The following MED27 variants were observed in gnomAD, a reference collection of about 807,000 sequenced individuals.
MED27 encodes the protein mediator of RNA polymerase II transcription subunit 27.
MED27 carries 30 observed loss-of-function variants against 38.2 expected under a neutral mutation model. The observed-to-expected ratio is 0.79, with a 90% confidence interval of 0.59 to 1.07. The LOEUF is 1.07. Ranked by LOEUF, MED27 falls within the 50% of genes least tolerant of loss-of-function variation. The pLI, the probability that MED27 is intolerant of heterozygous loss-of-function variation, is 0.00. For missense variants in MED27, 289 were observed against 397.5 expected (o/e 0.73, Z 2.32); for synonymous variants, 122 against 153.5 (o/e 0.79, Z 1.52).
chr9:131,943,635 G>A (rs1761738793), intron 3 of MED27, among the ~76,000 whole-genome samples: 1 of 152,200 alleles, frequency 6.6e-6, no homozygotes. Flanking sequence ...CACAGCAGTG[G>A]TGACTAGTTT....
At chr9:131,900,166 C>A (rs1829912384) in intron 4 of MED27, among the ~76,000 whole-genome samples, 1 of 152,182 alleles carries the variant, frequency 6.6e-6, no homozygotes, top group African/African-American at 2.4e-5. Context: ...GAAGCCCAGC[C>A]CGCCTCCCAT....
chr9:131,914,137 T>C (rs1301019848), intron 4 of MED27, among the ~76,000 whole-genome samples: 2 of 152,204 alleles, frequency 1.3e-5, no homozygotes, highest in Non-Finnish European at 2.9e-5. Flanking sequence ...ACTTTCTTTT[T>C]ATCTTTTGTG....
intron 2 of MED27, among the ~76,000 whole-genome samples, chr9:132,043,787 A>C (rs556621835): frequency 6.6e-6 from 1 of 152,222 alleles, no homozygotes; most frequent in African/African-American, 2.4e-5. Context: ...GTGGATATCA[A>C]TAAGAAAAAA....
chr9:131,931,543 T>G (rs1415131960), intron 4 of MED27, among the ~76,000 whole-genome samples: 1 of 151,788 alleles, frequency 6.6e-6, no homozygotes, highest in Admixed American at 6.6e-5. Flanking sequence ...ATAAGTAAAC[T>G]CTCCAATCAA....
At chr9:131,879,383 T>C (rs1199459460) in intron 6 of MED27, among the ~76,000 whole-genome samples, 1 of 152,304 alleles carries the variant, frequency 6.6e-6, no homozygotes, top group East Asian at 1.9e-4. Context: ...CAGCTGCTTC[T>C]TGTGGGCAAG....
At chr9:131,944,530 C>CAT (rs1830846562) in intron 3 of MED27, among the ~76,000 whole-genome samples, 1 of 141,096 alleles carries the variant, frequency 7.1e-6, no homozygotes, top group Non-Finnish European at 1.5e-5. Flanking sequence ...GGTTTTTAGT[C>CAT]TTTTTTTTTT....
intron 2 of MED27, among the ~76,000 whole-genome samples, chr9:132,059,744 C>G (rs1486624794): frequency 6.6e-6 from 1 of 152,264 alleles, no homozygotes; most frequent in Non-Finnish European, 1.5e-5. Context: ...AGATCCCTGT[C>G]TGCTGATTTG....
chr9:132,061,692 G>T (rs1177155080), intron 2 of MED27, among the ~76,000 whole-genome samples: 1 of 152,238 alleles, frequency 6.6e-6, no homozygotes, highest in African/African-American at 2.4e-5. Context: ...CTGGCACCCA[G>T]GCCACCCACC....
rs4455993 is a variant in MED27 at position 131,982,319 on chromosome 9, C to T, written c.479+32018G>A. ...CAAGAGATCACGTGCAGAGGCCACA[C>T]GGAGAGGGAGGGGCTCTGAGGCTAC... On this transcript the variant is annotated intron_variant, in intron 3 of 7. Transcript: ENST00000292035. This position sits in a 1 kb window ranked among gnomAD's most constrained non-coding sequence, Gnocchi z 4.3. 5.5e-3 allele frequency among the ~76,000 whole-genome samples: 839 copies of T among 152,310 alleles called. 4 individuals carry two copies. Among genetic ancestry groups the T allele is most frequent in the African/African-American group, 0.019 (794 of 41,558 alleles).
rs1589308461 is a variant in MED27 at position 132,077,733 on chromosome 9, G to A, written c.204-147C>T. On this transcript the variant is annotated intron_variant, in intron 1 of 7. Coordinates refer to ENST00000292035, the MANE Select transcript of MED27 (RefSeq NM_004269.4). The stretch of plus-strand genomic sequence containing the variant: ...CTTTTTGAAAGGTTAAAAAATACTT[G>A]GGACACTTAAAAAAAAAAACCCTAA... 17 of 750,610 alleles carry A rather than the reference G, an allele frequency of 2.3e-5. No homozygotes were observed. In the South Asian group the frequency reaches 4.7e-4, roughly 21 times the overall value. 46.5% of individuals were successfully genotyped at this position (750,610 alleles called of 1,614,324 possible). A position where few individuals can be genotyped will look rare whatever the true frequency, so the allele number is the denominator to read the frequency against.
chr9:131,949,023 G>A (rs566785416), intron 3 of MED27, among the ~76,000 whole-genome samples: 1 of 152,302 alleles, frequency 6.6e-6, no homozygotes, highest in South Asian at 2.1e-4. Flanking sequence ...CTGCTACGGG[G>A]TGTCAAGTCG....
intron 4 of MED27, among the ~76,000 whole-genome samples, chr9:131,911,061 T>A (rs943823157): frequency 6.6e-6 from 1 of 152,186 alleles, no homozygotes; most frequent in Admixed American, 6.5e-5. Context: ...CTAATTAGGA[T>A]CTTTACAAGA....
At chr9:132,029,399 A>T (rs1430270929) in intron 2 of MED27, among the ~76,000 whole-genome samples, 1 of 152,222 alleles carries the variant, frequency 6.6e-6, no homozygotes, top group East Asian at 1.9e-4. Context: ...TTTTTGCCAT[A>T]TAATTTGCTT....
At chr9:131,948,148 C>T (rs573973335) in intron 3 of MED27, among the ~76,000 whole-genome samples, 137 of 152,150 alleles carry the variant, frequency 9.0e-4, no homozygotes, top group Non-Finnish European at 1.6e-3. Context: ...GGTTGTGAAA[C>T]ATTTCTGATT....
chr9:132,077,390 T>C (rs909975376), intron 2 of MED27, 52 bp downstream of exon 2: 18 of 1,536,406 alleles, frequency 1.2e-5, no homozygotes, highest in Middle Eastern at 2.2e-4. Flanking sequence ...GTATGGAATA[T>C]AAGAAAACTT....
At chr9:132,041,273 G>A (rs1199896918) in intron 2 of MED27, among the ~76,000 whole-genome samples, 1 of 152,216 alleles carries the variant, frequency 6.6e-6, no homozygotes, top group East Asian at 1.9e-4. Context: ...AGACAGTCAT[G>A]CTGAGAGCCC....
At chr9:131,869,855 T>C (rs575262820) in intron 6 of MED27, among the ~76,000 whole-genome samples, 1 of 152,298 alleles carries the variant, frequency 6.6e-6, no homozygotes, top group East Asian at 1.9e-4. Flanking sequence ...GTGATTTACT[T>C]TGAGAAGGGT....
intron 2 of MED27, among the ~76,000 whole-genome samples, chr9:132,050,394 G>C (rs755525362): frequency 6.6e-6 from 1 of 152,182 alleles, no homozygotes; most frequent in Non-Finnish European, 1.5e-5. Context: ...GCTTGTCCAC[G>C]GGATCACCAC....
chr9:131,914,086 T>A (rs1830240903), intron 4 of MED27, among the ~76,000 whole-genome samples: 1 of 152,134 alleles, frequency 6.6e-6, no homozygotes, highest in South Asian at 2.1e-4. Flanking sequence ...TAGCAGGGGA[T>A]TTGTTCAAGG....
Sources: gnomAD v4.1 joint callset for allele counts (sites outside exome capture counted in the v4.1 genomes callset) on GRCh38, gnomAD v4.1.1 for gene constraint, Gnocchi (gnomAD v3.1) non-coding constraint, MANE v1.5 for transcripts, NCBI Gene and HGNC (gene_info 2026-07-23, HGNC 2026-07-21) for gene names.